FANCL: variants seen among roughly 807,000 people sequenced by gnomAD.
FANCL encodes the protein FA complementation group L.
In FANCL, 69 loss-of-function variants were observed where a neutral mutation model predicts 59.4. The ratio of observed to expected loss-of-function variants is 1.16; its 90% CI spans 0.96 to 1.42. FANCL has a LOEUF of 1.42. Among genes scored for constraint, FANCL ranks in the 40% most tolerant of loss-of-function variants. The pLI is 0.00. For missense variants in FANCL, 519 were observed against 447.2 expected, an observed-to-expected ratio of 1.16 and a Z score of -1.45; for synonymous variants, 180 against 147.1, an observed-to-expected ratio of 1.22 and a Z score of -1.62.
intron 1 of FANCL, among the ~76,000 whole-genome samples, chr2:58,237,221 T>C (rs918655759): frequency 6.6e-6 from 1 of 152,126 alleles, no homozygotes; most frequent in Non-Finnish European, 1.5e-5. Flanking sequence ...ATATTATTGG[T>C]CATAAAATTA....
chr2:58,204,231 TGAGCA>T lies in FANCL; in HGVS notation c.375-10_375-6del, dbSNP rs1160726336. The T allele has an allele frequency of 6.2e-7, 1 of 1,609,844 alleles. No homozygotes were observed. The highest frequency in any genetic ancestry group is 2.2e-5 in the East Asian group (1 of 44,846). On this transcript the variant is annotated splice_region_variant and splice_polypyrimidine_tract_variant and intron_variant, in intron 5 of 13. Coordinates refer to ENST00000233741, the MANE Select transcript of FANCL (RefSeq NM_018062.4). The stretch of plus-strand genomic sequence containing the variant: ...CAGGTATCCGCATACACAAGTCTGG[TGAGCA>T]GAGGAGAATAAAAAATGATCACACC...
intron 5 of FANCL, among the ~76,000 whole-genome samples, chr2:58,205,854 G>A (rs977234215): frequency 3.9e-5 from 6 of 151,952 alleles, no homozygotes; most frequent in African/African-American, 1.5e-4. Context: ...GGGGGAAGAA[G>A]AAACTTTAAA....
chr2:58,219,154 AAAAAAAAAAAAAAAAAAATATATAT>A (rs1245247506), intron 5 of FANCL, among the ~76,000 whole-genome samples: 11 of 78,534 alleles, frequency 1.4e-4, no homozygotes, highest in African/African-American at 8.1e-4. Context: ...AAAAAAAAAA[AAAAAAAAAAAAAAAAAAATATATAT>A]ATATATATAT....
At chr2:58,177,184 G>A (rs530981067) in intron 7 of FANCL, among the ~76,000 whole-genome samples, 1 of 152,236 alleles carries the variant, frequency 6.6e-6, no homozygotes, top group Admixed American at 6.5e-5. Context: ...CTGTTGGTGG[G>A]ACTGTAAACT....
chr2:58,207,795 A>G (rs1690739985), intron 5 of FANCL, among the ~76,000 whole-genome samples: 1 of 152,196 alleles, frequency 6.6e-6, no homozygotes, highest in South Asian at 2.1e-4. Flanking sequence ...ATAATGACTC[A>G]TGCCTATAAT....
intron 4 of FANCL, among the ~76,000 whole-genome samples, chr2:58,223,225 C>T (rs1420492255): frequency 6.6e-6 from 1 of 150,570 alleles, no homozygotes; most frequent in South Asian, 2.1e-4. Context: ...TCCTAGAAGA[C>T]AAAGTATATG....
At chr2:58,189,649 G>A (rs971057799) in intron 7 of FANCL, among the ~76,000 whole-genome samples, 7 of 152,032 alleles carry the variant, frequency 4.6e-5, no homozygotes, top group South Asian at 2.1e-4. Flanking sequence ...AGAATGTAAC[G>A]CTTATTATCT....
intron 4 of FANCL, among the ~76,000 whole-genome samples, chr2:58,224,692 A>C (rs1194056796): frequency 6.6e-6 from 1 of 151,880 alleles, no homozygotes; most frequent in African/African-American, 2.4e-5. Context: ...ATTTTTATAT[A>C]AACTAACAAC....
intron 7 of FANCL, among the ~76,000 whole-genome samples, chr2:58,177,496 C>G (rs899604853): frequency 6.6e-6 from 1 of 151,440 alleles, no homozygotes; most frequent in Admixed American, 6.6e-5. Flanking sequence ...ATGGATGAAA[C>G]TGGAAATCAT....
chr2:58,232,733 C>G (rs1017826220), intron 1 of FANCL, among the ~76,000 whole-genome samples: 1 of 151,874 alleles, frequency 6.6e-6, no homozygotes, highest in African/African-American at 2.4e-5. Context: ...AAGAGTCTTT[C>G]TAAGAGAAGA....
chr2:58,208,295 T>C (rs1334257313), intron 5 of FANCL, among the ~76,000 whole-genome samples: 3 of 152,180 alleles, frequency 2.0e-5, no homozygotes, highest in South Asian at 2.1e-4. Context: ...TATTCTAAAA[T>C]TGACAAAGCA....
intron 13 of FANCL, 123 bp from the exon 14 acceptor site, chr2:58,159,923 T>C: frequency 1.3e-6 from 2 of 1,536,174 alleles, no homozygotes; most frequent in Non-Finnish European, 1.7e-6. Flanking sequence ...TTCTGAAGTT[T>C]CAGATCACCT....
chr2:58,180,359 T>G (rs924913977), intron 7 of FANCL, among the ~76,000 whole-genome samples: 1 of 152,062 alleles, frequency 6.6e-6, no homozygotes, highest in Non-Finnish European at 1.5e-5. Flanking sequence ...GAAAATGTGG[T>G]ACATATACAC....
At chr2:58,222,365 T>C (rs1420389313) in intron 4 of FANCL, among the ~76,000 whole-genome samples, 1 of 152,128 alleles carries the variant, frequency 6.6e-6, no homozygotes, top group Non-Finnish European at 1.5e-5. Flanking sequence ...ACTATGGCTC[T>C]ATTCCCATGA....
intron 4 of FANCL, 103 bp from the exon 5 acceptor site, chr2:58,222,145 A>T (rs1692537580): frequency 2.6e-6 from 2 of 780,616 alleles, no homozygotes; most frequent in African/African-American, 3.4e-5. Flanking sequence ...AGTGCCTAAT[A>T]AAAGTGCCTG....
intron 4 of FANCL, among the ~76,000 whole-genome samples, chr2:58,226,508 C>T (rs1010048138): frequency 1.3e-5 from 2 of 152,038 alleles, no homozygotes; most frequent in Admixed American, 1.3e-4. Context: ...TCAAGAATAC[C>T]TAGTTTATAA....
chr2:58,173,393 C>T (rs536669223), intron 7 of FANCL, among the ~76,000 whole-genome samples: 28 of 152,242 alleles, frequency 1.8e-4, no homozygotes, highest in Admixed American at 3.9e-4. Flanking sequence ...AGAGAAAGGT[C>T]GGGTTACCCA....
intron 7 of FANCL, among the ~76,000 whole-genome samples, chr2:58,174,853 G>T (rs1312063061): frequency 4.6e-5 from 7 of 152,218 alleles, no homozygotes; most frequent in Admixed American, 4.6e-4. Context: ...TCCAGGAGCT[G>T]GTTTTCTGAA....
chr2:58,208,981 A>T (rs1441286440), intron 5 of FANCL, among the ~76,000 whole-genome samples: 2 of 152,138 alleles, frequency 1.3e-5, no homozygotes, highest in African/African-American at 4.8e-5. Flanking sequence ...TCAAAAAATA[A>T]ATTGCACATT....
Sources: gnomAD v4.1 joint callset for allele counts (sites outside exome capture counted in the v4.1 genomes callset) on GRCh38, gnomAD v4.1.1 for gene constraint, MANE v1.5 for transcripts, NCBI Gene and HGNC (gene_info 2026-07-23, HGNC 2026-07-21) for gene names.